The following TTLL5 variants were observed in gnomAD, a reference collection of about 807,000 sequenced individuals.
TTLL5 encodes the protein tubulin tyrosine ligase like 5, also known as tubulin polyglutamylase TTLL5.
A neutral mutation model predicts 168.4 loss-of-function variants in TTLL5; 132 were observed. The observed-to-expected ratio is 0.78, with a 90% CI of 0.68 to 0.91. The LOEUF (loss-of-function observed/expected upper bound fraction) is 0.91, where lower values mean the gene tolerates loss of function less well. TTLL5 is among the 40% of genes least tolerant of loss of function. The pLI is 0.00. For synonymous variants in TTLL5, 546 were observed against 558.6 expected (o/e 0.98, Z 0.32); for missense variants, 1,545 against 1,581.5 (o/e 0.98, Z 0.39).
chr14:75,708,568 G>GC (rs1180997979), intron 9 of TTLL5, among the ~76,000 whole-genome samples: 2 of 151,732 alleles, frequency 1.3e-5, no homozygotes, highest in Non-Finnish European at 2.9e-5. Context: ...CTCGTGATCC[G>GC]CCTGCCTCAG....
At chr14:75,945,445 C>T (rs533890717) in intron 31 of TTLL5, among the ~76,000 whole-genome samples, 14 of 151,378 alleles carry the variant, frequency 9.2e-5, no homozygotes, top group African/African-American at 2.9e-4. Flanking sequence ...TTAGTAGAGA[C>T]GGGGTGTCAC....
intron 5 of TTLL5, among the ~76,000 whole-genome samples, chr14:75,686,740 G>A (rs1041352499): frequency 2.0e-5 from 3 of 152,024 alleles, no homozygotes; most frequent in African/African-American, 7.2e-5. Context: ...ATGTTTCTCA[G>A]AAGGTCACAT....
At chr14:75,665,892 C>T (rs986527837) in intron 2 of TTLL5, among the ~76,000 whole-genome samples, 1 of 152,134 alleles carries the variant, frequency 6.6e-6, no homozygotes, top group Non-Finnish European at 1.5e-5. Flanking sequence ...TTTTAGATAA[C>T]GTCAAAGGCA....
At chr14:75,942,861 CTT>C (rs142281780) in intron 31 of TTLL5, among the ~76,000 whole-genome samples, 1 of 152,190 alleles carries the variant, frequency 6.6e-6, no homozygotes, top group South Asian at 2.1e-4. Flanking sequence ...TGCTTTAAGA[CTT>C]TTTAGGGTAG....
At chr14:75,874,465 A>G (rs1243873777) in intron 29 of TTLL5, among the ~76,000 whole-genome samples, 2 of 152,204 alleles carry the variant, frequency 1.3e-5, no homozygotes, top group Non-Finnish European at 2.9e-5. Context: ...ATATCTTACA[A>G]ACATAAAAAG....
chr14:75,830,356 A>C (rs922923556), intron 28 of TTLL5, among the ~76,000 whole-genome samples: 1 of 152,222 alleles, frequency 6.6e-6, no homozygotes, highest in Non-Finnish European at 1.5e-5. Context: ...GATCAAAAGT[A>C]AGCCTATTAT....
chr14:75,803,332 A>G (rs909819039), intron 27 of TTLL5: 2 of 152,260 alleles, frequency 1.3e-5, no homozygotes, highest in African/African-American at 2.4e-5. Flanking sequence ...ATTAGAGGTT[A>G]GATTCTTAAG....
chr14:75,865,465 C>T (rs1217081156), intron 29 of TTLL5, among the ~76,000 whole-genome samples: 1 of 151,980 alleles, frequency 6.6e-6, no homozygotes, highest in Non-Finnish European at 1.5e-5. Context: ...GTGCACCAAA[C>T]CCCCGCAACA....
chr14:75,928,196 T>C (rs1023087779), intron 31 of TTLL5, among the ~76,000 whole-genome samples: 2 of 151,376 alleles, frequency 1.3e-5, no homozygotes, highest in African/African-American at 4.9e-5. Flanking sequence ...GCCGCCAGGG[T>C]CATTAGGGAA....
intron 31 of TTLL5, among the ~76,000 whole-genome samples, chr14:75,936,143 T>C (rs2034426854): frequency 6.6e-6 from 1 of 152,154 alleles, no homozygotes; most frequent in Admixed American, 6.5e-5. Context: ...AATTTTTACA[T>C]AGTTTTTTTT....
At position 75,907,087 on chromosome 14, in the gene TTLL5, C is replaced by T. The variant is rs989689959; in HGVS notation, c.3823+4863C>T. Among the ~76,000 whole-genome samples the T allele has an allele frequency of 2.7e-4, 41 of 152,152 alleles. 1 individual carries two copies. The highest frequency in any genetic ancestry group is 1.0e-4 in the Non-Finnish European group (7 of 68,032). On this transcript the variant is annotated intron_variant, in intron 31 of 31. Transcript: ENST00000298832. ...AGAGAATGGATATTTATTATTAAGG[C>T]TTTTAGACTAGAATTTATAAACTGG...
chr14:75,816,764 T>C (rs1320230988), intron 27 of TTLL5, among the ~76,000 whole-genome samples: 1 of 152,084 alleles, frequency 6.6e-6, no homozygotes, highest in Admixed American at 6.5e-5. Context: ...TCATGTCTAA[T>C]ATAAAAGGTC....
At chr14:75,767,281 G>A (rs1203502007) in intron 20 of TTLL5, among the ~76,000 whole-genome samples, 1 of 152,166 alleles carries the variant, frequency 6.6e-6, no homozygotes, top group Admixed American at 6.5e-5. Flanking sequence ...TCACATTACT[G>A]TGGGGACCAA....
In TTLL5 at chr14:75,766,283, G is replaced by A. The variant is rs751029875; in HGVS notation, c.1930G>A (p.Gly644Ser). The change falls in exon 20 of 32, where the codon GGT becomes AGT. Residue 644 changes from glycine to serine, a missense_variant. Transcript: ENST00000298832. Reference sequence around the variant, plus strand: ...GAAAGTTCGTGAATGGAATAATAAAGGTGGACACTGCTGCAAACTTGAGAC... The same window carrying A: ...GAAAGTTCGTGAATGGAATAATAAAAGTGGACACTGCTGCAAACTTGAGAC... ...SMKVREWNNK[G>S]GHCCKLETQE... The A allele has an allele frequency of 6.2e-6, 10 of 1,613,992 alleles. No individual in the cohort carries two copies. Among genetic ancestry groups the A allele is most frequent in the Non-Finnish European group, 8.5e-6 (10 of 1,179,966 alleles).
chr14:75,919,748 T>G (rs566256761), intron 31 of TTLL5, among the ~76,000 whole-genome samples: 1 of 152,244 alleles, frequency 6.6e-6, no homozygotes, highest in East Asian at 1.9e-4. Context: ...TACCAAAAAG[T>G]ACAAGCAACA....
intron 26 of TTLL5, among the ~76,000 whole-genome samples, chr14:75,786,176 G>T (rs573066704): frequency 1.3e-5 from 2 of 151,864 alleles, no homozygotes; most frequent in African/African-American, 2.4e-5. Context: ...GCTAATTCTG[G>T]GTGATCTTGT....
rs2030812684 is a variant in TTLL5, at chr14:75,869,272, TTTA to T, written c.3522+5411_3522+5413del. Among the ~76,000 whole-genome samples, 3 of 152,274 alleles carry T rather than the reference TTTA, an allele frequency of 2.0e-5. No homozygotes were observed. In the South Asian group the frequency reaches 6.2e-4, roughly 32 times the overall value. ...TTGCCAAGCCAAACTTTTATTCTTA[TTTA>T]ATGAAAATACATAGAAAATACATGA... On this transcript the variant is annotated intron_variant, in intron 29 of 31. Transcript: ENST00000298832.
At chr14:75,814,676 C>T (rs1260498822) in intron 27 of TTLL5, 1 of 152,120 alleles carries the variant, frequency 6.6e-6, no homozygotes, top group Non-Finnish European at 1.5e-5. Context: ...AAAAGAAAGA[C>T]CAGAGGTTTT....
chr14:75,820,139 C>A lies in TTLL5; in HGVS notation c.3304C>A (p.His1102Asn). ...GTCAGACCCCCAAGCTCCCGAGAAT[C>A]ACTCCAGCTCTCCTGGAAGCAGGTA... The part of the protein sequence containing the change: ...TQSDPQAPEN[H>N]SSSPGSRSLQ... Residue 1102 changes from histidine to asparagine, a missense_variant, in exon 28 of 32, where the codon CAC (histidine) becomes AAC (asparagine). By Grantham distance (68) the His-to-Asn change is moderately conservative (BLOSUM62 1). Coordinates refer to ENST00000298832, the MANE Select transcript of TTLL5 (RefSeq NM_015072.5). 1 of 1,594,676 alleles carries A rather than the reference C, an allele frequency of 6.3e-7. No homozygotes were observed.
Sources: allele counts gnomAD v4.1 joint callset (sites outside exome capture counted in the v4.1 genomes callset), GRCh38; gene constraint gnomAD v4.1.1; transcripts MANE v1.5; gene names NCBI Gene and HGNC (gene_info 2026-07-23, HGNC 2026-07-21).